Variants in CHAC1 observed in about 807,000 individuals in gnomAD.
CHAC1 encodes the protein ChaC glutathione specific gamma-glutamylcyclotransferase 1, also known as glutathione-specific gamma-glutamylcyclotransferase 1.
In CHAC1, 22 loss-of-function variants were observed where a neutral mutation model predicts 22.1. The ratio of observed to expected loss-of-function variants is 1.00; its 90% CI spans 0.71 to 1.42. CHAC1 has a LOEUF of 1.42. Among genes scored for constraint, CHAC1 ranks in the 40% most tolerant of loss-of-function variants. CHAC1 has a pLI of 0.00. For synonymous variants in CHAC1, 145 were observed against 128.7 expected, an observed-to-expected ratio of 1.13 and a Z score of -0.86; for missense variants, 272 against 299.2, an observed-to-expected ratio of 0.91 and a Z score of 0.67.
Position 40,956,286 on chromosome 15 carries a change from T to G in CHAC1, c.*512T>G. On this transcript the variant is annotated 3_prime_UTR_variant, in exon 3 of 3. Coordinates refer to ENST00000617768, the MANE Select transcript of CHAC1 (RefSeq NM_024111.6). Reference sequence around the variant, plus strand: ...CCGGCCAGCCCTTCTCCTCCACCAGTTCCCCAGAGCAGAGCTGGAGCTGAT... The same window carrying G: ...CCGGCCAGCCCTTCTCCTCCACCAGGTCCCCAGAGCAGAGCTGGAGCTGAT... 6.4e-6 allele frequency: 1 copy of G among 156,576 alleles called. No individual in the cohort carries two copies. The highest frequency in any genetic ancestry group is 1.9e-4 in the East Asian group (1 of 5,242). 9.7% of individuals were successfully genotyped at this position (156,576 alleles called of 1,614,324 possible). A position where few individuals can be genotyped will look rare whatever the true frequency, so the allele number is the denominator to read the frequency against.
At position 40,954,280 on chromosome 15, in the gene CHAC1, T is replaced by C. The variant is rs778098005; in HGVS notation, c.267+17T>C. 17 of 1,613,792 alleles carry C rather than the reference T, an allele frequency of 1.1e-5. No individual in the cohort carries two copies. Among genetic ancestry groups the C allele is most frequent in the Non-Finnish European group, 1.4e-5 (17 of 1,179,934 alleles). On this transcript the variant is annotated intron_variant, in intron 2 of 2. Transcript: ENST00000617768. ...GATCATGAGGTAAGTGCCCGAATCATGAAGGGGAACCCTGGCCCAGTGTGA... is the reference window on the plus strand; with the variant it reads ...GATCATGAGGTAAGTGCCCGAATCACGAAGGGGAACCCTGGCCCAGTGTGA...
chr15:40,954,770 A>C (rs1893195172), intron 2 of CHAC1, among the ~76,000 whole-genome samples: 1 of 151,008 alleles, frequency 6.6e-6, no homozygotes, highest in Non-Finnish European at 1.5e-5. Context: ...CACTCAGCTA[A>C]TTTTTGTATT....
In CHAC1 at chr15:40,955,690, C is replaced by A. The variant is rs551714246; in HGVS notation, c.585C>A (p.Asp195Glu). The change falls in exon 3 of 3, where the codon GAC becomes GAA. Residue 195 changes from aspartate (D) to glutamate (E), a missense_variant. Asp to Glu is a conservative substitution (Grantham distance 45, BLOSUM62 2). Transcript: ENST00000617768. ...FMQLCGPQAQ[D>E]EHLAAIVDAV... ...AGCTCTGTGGGCCTCAGGCGCAGGA[C>A]GAGCACCTGGCAGCCATCGTGGACG... 6 of 1,609,492 alleles carry A rather than the reference C, an allele frequency of 3.7e-6. No homozygotes were observed. The African/African-American group carries it at 4.0e-5, about 11-fold the overall frequency.
chr15:40,953,850 T>A lies in CHAC1; in HGVS notation c.231+36T>A, dbSNP rs200942974. 6.4e-5 allele frequency: 96 copies of A among 1,511,726 alleles called. No individual in the cohort carries two copies. In the East Asian group the frequency reaches 1.9e-3, roughly 30 times the overall value. 93.6% of individuals were successfully genotyped at this position (1,511,726 alleles called of 1,614,324 possible). On this transcript the variant is annotated intron_variant, in intron 1 of 2. Coordinates refer to ENST00000617768, the MANE Select transcript of CHAC1 (RefSeq NM_024111.6). The stretch of plus-strand genomic sequence containing the variant: ...AACCGTGCCCAGGGGAGTGAGGGGG[T>A]TGGGGGCGGGATACTGGGCGCCAGT...
chr15:40,955,441 T>C lies in CHAC1; in HGVS notation c.336T>C (p.Asn112=). 6.2e-7 allele frequency: 1 copy of C among 1,614,120 alleles called. No individual in the cohort carries two copies. Among genetic ancestry groups the C allele is most frequent in the African/African-American group, 1.3e-5 (1 of 75,036 alleles). ...EQVSKALKYL[N]VREAVLGGYD... is the part of the protein sequence containing the mutation. ...TAAGCAAGGCCCTGAAGTACCTGAATGTGCGAGAGGCAGTGCTTGGTGGCT... is the reference window on the plus strand; with the variant it reads ...TAAGCAAGGCCCTGAAGTACCTGAACGTGCGAGAGGCAGTGCTTGGTGGCT... Residue 112 remains asparagine, a synonymous_variant, in exon 3 of 3, where the codon AAT becomes AAC. Coordinates refer to ENST00000617768, the MANE Select transcript of CHAC1 (RefSeq NM_024111.6).
chr15:40,955,348 C>T lies in CHAC1; in HGVS notation c.268-25C>T, dbSNP rs544331408. ...GCAGCAAGGAGCTGTCATGACTGACCCCGGGTGTCCCTATTTCTTCCCAGG... is the reference window on the plus strand; with the variant it reads ...GCAGCAAGGAGCTGTCATGACTGACTCCGGGTGTCCCTATTTCTTCCCAGG... On this transcript the variant is annotated intron_variant, in intron 2 of 2. Coordinates refer to ENST00000617768, the MANE Select transcript of CHAC1 (RefSeq NM_024111.6). The T allele has an allele frequency of 1.4e-5, 23 of 1,611,356 alleles. No individual in the cohort carries two copies. In the African/African-American group the frequency reaches 1.9e-4, roughly 13 times the overall value.
rs1478914293 is a variant in CHAC1, at chr15:40,955,556, G to C, written c.451G>C (p.Gly151Arg). The change falls in exon 3 of 3, where the codon GGT becomes CGT. Residue 151 changes from glycine to arginine, a missense_variant. Physicochemically the swap from Gly to Arg is moderately radical, Grantham distance 125. Transcript: ENST00000617768. Reference protein sequence around the residue: ...LAYVATPQNPGYLGPAPEEAI... With the variant: ...LAYVATPQNPRYLGPAPEEAI... The stretch of plus-strand genomic sequence containing the variant: ...CTATGTGGCCACCCCACAGAACCCT[G>C]GTTACCTGGGCCCTGCGCCTGAAGA... 1.2e-6 allele frequency: 2 copies of C among 1,614,126 alleles called. No individual in the cohort carries two copies. The highest frequency in any genetic ancestry group is 1.7e-6 in the Non-Finnish European group (2 of 1,180,032).
chr15:40,954,183 C>G, intron 1 of CHAC1, 45 bp from the exon 2 acceptor site: 2 of 1,605,592 alleles, frequency 1.2e-6, no homozygotes, highest in Non-Finnish European at 1.7e-6. Flanking sequence ...GATGGCAGAG[C>G]TGATTTCTAA....
In CHAC1 at chr15:40,955,758, C is replaced by T; in HGVS notation, c.653C>T (p.Ala218Val). The T allele has an allele frequency of 1.3e-6, 2 of 1,596,198 alleles. No individual in the cohort carries two copies. The highest frequency in any genetic ancestry group is 1.7e-6 in the Non-Finnish European group (2 of 1,176,906). The part of the protein sequence containing the change: ...MLPCFCPTEQ[A>V]LALV ...CCCTGCTTCTGCCCCACCGAGCAGG[C>T]TCTGGCGCTGGTGTGAGGGGCTGAG... Residue 218 changes from alanine (A) to valine (V), a missense_variant, in exon 3 of 3, where the codon GCT (alanine) becomes GTT (valine). Physicochemically the swap from Ala to Val is moderately conservative, Grantham distance 64. Coordinates refer to ENST00000617768, the MANE Select transcript of CHAC1 (RefSeq NM_024111.6).
rs1893237047 is a variant in CHAC1 at position 40,955,930 on chromosome 15, GCA to G, written c.*157_*158del. 2.8e-6 allele frequency: 2 copies of G among 717,436 alleles called. No individual in the cohort carries two copies. Among genetic ancestry groups the G allele is most frequent in the Non-Finnish European group, 4.5e-6 (2 of 446,084 alleles). The allele number at this position is 717,436 out of a possible 1,614,324, so 44.4% of individuals were successfully genotyped here. A position where few individuals can be genotyped will look rare whatever the true frequency, so the allele number is the denominator to read the frequency against. ...TCAGTCCCTGCCTGTCTGCCAGCCT[GCA>G]GCTCTCCTGCTTGACACTGACTTAC... On this transcript the variant is annotated 3_prime_UTR_variant, in exon 3 of 3. Transcript: ENST00000617768.
At chr15:40,953,872 C>T (rs1893167390) in intron 1 of CHAC1, 58 bp downstream of exon 1, 1 of 1,358,106 alleles carries the variant, frequency 7.4e-7, no homozygotes, top group Non-Finnish European at 1.0e-6. Flanking sequence ...TACTGGGCGC[C>T]AGTGCCCTGG....
rs957556159 is a variant in CHAC1 at position 40,955,417 on chromosome 15, A to G, written c.312A>G (p.Val104=). 4.3e-6 allele frequency: 7 copies of G among 1,613,984 alleles called. No homozygotes were observed. Among genetic ancestry groups the G allele is most frequent in the African/African-American group, 2.7e-5 (2 of 74,926 alleles). Residue 104 remains valine (V), a synonymous_variant, in exon 3 of 3, where the codon GTA becomes GTG. Transcript: ENST00000617768. The part of the protein sequence containing the change: ...GVAYQVQGEQ[V]SKALKYLNVR... The stretch of plus-strand genomic sequence containing the variant: ...CATACCAAGTGCAAGGGGAGCAGGT[A>G]AGCAAGGCCCTGAAGTACCTGAATG...
At chr15:40,954,674 G>A (rs1482902102) in intron 2 of CHAC1, among the ~76,000 whole-genome samples, 1 of 152,018 alleles carries the variant, frequency 6.6e-6, no homozygotes, top group African/African-American at 2.4e-5. Context: ...TGCAATCTTG[G>A]CTCACTGCAA....
chr15:40,955,602 T>G lies in CHAC1; in HGVS notation c.497T>G (p.Leu166Arg), dbSNP rs1893225380. ...GAAGAGGCCATTGCCACGCAGATCC[T>G]GGCCTGCCGGGGCTTCTCCGGCCAC... ...APEEAIATQI[L>R]ACRGFSGHNL... Residue 166 changes from leucine to arginine, a missense_variant, in exon 3 of 3, where the codon CTG becomes CGG. Leu to Arg is a moderately radical substitution (Grantham distance 102). Coordinates refer to ENST00000617768, the MANE Select transcript of CHAC1 (RefSeq NM_024111.6). 6.2e-7 allele frequency: 1 copy of G among 1,613,872 alleles called. No homozygotes were observed. The highest frequency in any genetic ancestry group is 8.5e-7 in the Non-Finnish European group (1 of 1,180,038).
At position 40,954,270 on chromosome 15, in the gene CHAC1, G is replaced by T. The variant is rs1234071890; in HGVS notation, c.267+7G>T. On this transcript the variant is annotated splice_region_variant and intron_variant, in intron 2 of 2. Transcript: ENST00000617768. ...GCTCCTTGAAGATCATGAGGTAAGT[G>T]CCCGAATCATGAAGGGGAACCCTGG... 6.2e-7 allele frequency: 1 copy of T among 1,613,990 alleles called. No individual in the cohort carries two copies.
At chr15:40,954,575 GTT>G (rs56101122) in intron 2 of CHAC1, among the ~76,000 whole-genome samples, 33 of 149,856 alleles carry the variant, frequency 2.2e-4, no homozygotes, top group Non-Finnish European at 2.8e-4. Context: ...TTTGTCAACT[GTT>G]TTTTTTTTTT....
Position 40,954,307 on chromosome 15 carries a change from G to A in CHAC1, c.267+44G>A, listed in dbSNP as rs200252151. 6.2e-6 allele frequency: 10 copies of A among 1,603,470 alleles called. No homozygotes were observed. The East Asian group carries it at 2.2e-4, about 36-fold the overall frequency. ...AAGGGGAACCCTGGCCCAGTGTGAA[G>A]GGGGACCAGCAGAGAGAGCTCATAG... On this transcript the variant is annotated intron_variant, in intron 2 of 2. Transcript: ENST00000617768.
intron 1 of CHAC1, 150 bp from the exon 2 acceptor site, chr15:40,954,078 C>G: frequency 1.2e-6 from 1 of 805,060 alleles, no homozygotes; most frequent in Non-Finnish European, 2.0e-6. Flanking sequence ...ATCCGTGCAT[C>G]GCTCCCCCAC....
In CHAC1 at chr15:40,955,664, C is replaced by A. The variant is rs368642978; in HGVS notation, c.559C>A (p.Gln187Lys). ...CTTGCTGCGTCTGGCAGACTTCATG[C>A]AGCTCTGTGGGCCTCAGGCGCAGGA... ...EYLLRLADFM[Q>K]LCGPQAQDEH... Residue 187 changes from glutamine (Q) to lysine (K), a missense_variant, in exon 3 of 3, where the codon CAG (glutamine) becomes AAG (lysine). By Grantham distance (53) the Gln-to-Lys change is moderately conservative. Coordinates refer to ENST00000617768, the MANE Select transcript of CHAC1 (RefSeq NM_024111.6). 4 of 1,612,146 alleles carry A rather than the reference C, an allele frequency of 2.5e-6. No individual in the cohort carries two copies. The East Asian group carries it at 8.9e-5, about 36-fold the overall frequency.
Sources: allele counts gnomAD v4.1 joint callset (sites outside exome capture counted in the v4.1 genomes callset), GRCh38; gene constraint gnomAD v4.1.1; transcripts MANE v1.5; gene names NCBI Gene and HGNC (gene_info 2026-07-23, HGNC 2026-07-21).